C3orf33: variants seen among roughly 807,000 people sequenced by gnomAD.
C3orf33 encodes AP-1 activity suppressor.
C3orf33 carries 23 observed loss-of-function variants against 28.7 expected under a neutral mutation model. The observed-to-expected ratio is 0.80, with a 90% CI of 0.58 to 1.13. The LOEUF (loss-of-function observed/expected upper bound fraction) is 1.13. C3orf33 is among the 50% of genes most tolerant of loss of function. The pLI is 0.00. For synonymous variants in C3orf33, 119 were observed against 120.5 expected (o/e 0.99, Z 0.08); for missense variants, 327 against 353.4 (o/e 0.93, Z 0.60).
intron 3 of C3orf33, among the ~76,000 whole-genome samples, chr3:155,768,699 A>G (rs996132057): frequency 6.6e-6 from 1 of 152,252 alleles, no homozygotes; most frequent in African/African-American, 2.4e-5. Context: ...TCCAGGAAAG[A>G]AATAATACTT....
At chr3:155,783,623 C>T (rs753427376) in intron 2 of C3orf33, among the ~76,000 whole-genome samples, 26 of 151,840 alleles carry the variant, frequency 1.7e-4, no homozygotes, top group Non-Finnish European at 2.2e-4. Flanking sequence ...CACGCTGCCA[C>T]GCCTGGCTAA....
Position 155,775,722 on chromosome 3 carries a change from G to A in C3orf33, c.301C>T (p.Pro101Ser). The change falls in exon 3 of 5, where the codon CCT becomes TCT. Residue 101 changes from proline to serine, a missense_variant. Transcript: ENST00000340171. ...TTACTTCTCAATGAAGCTATAATAG[G>A]TAAAGTAATAGGTATATGTTCAATT... ...LEIEHIPITL[P>S]IIASLRKEPR... 1 of 1,564,830 alleles carries A rather than the reference G, an allele frequency of 6.4e-7. No individual in the cohort carries two copies. The highest frequency in any genetic ancestry group is 1.1e-5 in the South Asian group (1 of 87,132).
intron 2 of C3orf33, among the ~76,000 whole-genome samples, chr3:155,800,844 T>C (rs1198219508): frequency 6.6e-6 from 1 of 151,894 alleles, no homozygotes; most frequent in African/African-American, 2.4e-5. Flanking sequence ...ACATCACTAA[T>C]CATTAGAAAA....
chr3:155,779,143 C>G (rs151267297), intron 2 of C3orf33, among the ~76,000 whole-genome samples: 2 of 152,072 alleles, frequency 1.3e-5, no homozygotes, highest in Admixed American at 6.6e-5. Flanking sequence ...AACAAACACA[C>G]AAAAACAGAA....
chr3:155,785,920 G>A (rs1422742456), intron 2 of C3orf33, among the ~76,000 whole-genome samples: 1 of 151,946 alleles, frequency 6.6e-6, no homozygotes, highest in Non-Finnish European at 1.5e-5. Context: ...CACACCTGTA[G>A]TCCTAGCTGC....
At chr3:155,764,787 C>A (rs183104833) in intron 4 of C3orf33, among the ~76,000 whole-genome samples, 2 of 150,844 alleles carry the variant, frequency 1.3e-5, no homozygotes, top group Admixed American at 1.3e-4. Context: ...ACCCAGGAGG[C>A]AGAGGTTGCA....
intron 2 of C3orf33, among the ~76,000 whole-genome samples, chr3:155,790,193 G>A (rs1273032507): frequency 7.2e-6 from 1 of 139,458 alleles, no homozygotes; most frequent in Non-Finnish European, 1.5e-5. Context: ...AAAAAAATTG[G>A]TGCTGAGAAA....
At chr3:155,804,802 C>G (rs192084274) in intron 1 of C3orf33, among the ~76,000 whole-genome samples, 138 of 152,288 alleles carry the variant, frequency 9.1e-4, no homozygotes, top group Admixed American at 4.4e-3. Context: ...AAGGTTTATG[C>G]AGGTCATTCC....
intron 2 of C3orf33, among the ~76,000 whole-genome samples, chr3:155,800,610 C>CAAGAAAAAA (rs1751616181): frequency 6.4e-5 from 1 of 15,620 alleles, no homozygotes; most frequent in Admixed American, 1.4e-3. Context: ...ACCTTATCTC[C>CAAGAAAAAA]AAAAAAAAAA....
intron 1 of C3orf33, among the ~76,000 whole-genome samples, chr3:155,803,873 C>A (rs572203226): frequency 1.4e-5 from 2 of 141,682 alleles, no homozygotes; most frequent in South Asian, 4.5e-4. Flanking sequence ...CAGAGTGAGA[C>A]TCTGTCTCAA....
intron 2 of C3orf33, among the ~76,000 whole-genome samples, chr3:155,785,599 A>G (rs1309017483): frequency 6.6e-6 from 1 of 152,332 alleles, no homozygotes; most frequent in East Asian, 1.9e-4. Context: ...AACAGCCAAT[A>G]TATCAAAAAA....
At chr3:155,766,858 G>A (rs140736679) in intron 4 of C3orf33, among the ~76,000 whole-genome samples, 6,893 of 152,080 alleles carry the variant, frequency 0.045, 270 homozygotes, top group African/African-American at 0.11. Context: ...GCTGAAGCAG[G>A]AGAATTGCTT....
intron 2 of C3orf33, among the ~76,000 whole-genome samples, chr3:155,783,181 G>T (rs1750989297): frequency 6.7e-6 from 1 of 149,740 alleles, no homozygotes; most frequent in Admixed American, 6.6e-5. Context: ...TTGAGATGGA[G>T]TCTCGTTCTG....
At chr3:155,797,224 T>C (rs1751498524) in intron 2 of C3orf33, among the ~76,000 whole-genome samples, 1 of 152,108 alleles carries the variant, frequency 6.6e-6, no homozygotes, top group South Asian at 2.1e-4. Context: ...AACATTTCAA[T>C]AGATGCTGAA....
intron 3 of C3orf33, among the ~76,000 whole-genome samples, chr3:155,771,452 T>C (rs757999839): frequency 1.5e-4 from 23 of 152,210 alleles, no homozygotes; most frequent in Admixed American, 3.9e-4. Flanking sequence ...CAGCTAATCT[T>C]TGTATTTTTT....
intron 4 of C3orf33, among the ~76,000 whole-genome samples, chr3:155,766,572 T>C (rs754981760): frequency 8.5e-5 from 13 of 152,248 alleles, no homozygotes; most frequent in Non-Finnish European, 1.3e-4. Flanking sequence ...AAGTGGTTTA[T>C]AGTAACAAGC....
intron 2 of C3orf33, among the ~76,000 whole-genome samples, chr3:155,786,585 G>C (rs1751122736): frequency 6.6e-6 from 1 of 152,308 alleles, no homozygotes. Flanking sequence ...CCAGCACTTT[G>C]GGAGGCCAAG....
chr3:155,764,147 C>T (rs1218853678), intron 4 of C3orf33, among the ~76,000 whole-genome samples: 1 of 152,122 alleles, frequency 6.6e-6, no homozygotes, highest in Admixed American at 6.6e-5. Flanking sequence ...ATGGAATTCT[C>T]CACAGACTCA....
intron 2 of C3orf33, among the ~76,000 whole-genome samples, chr3:155,783,445 G>A (rs1011845600): frequency 6.8e-5 from 10 of 146,762 alleles, no homozygotes; most frequent in Non-Finnish European, 1.0e-4. Flanking sequence ...ATGAGCCACC[G>A]CACCCAGCAA....
Sources: allele counts gnomAD v4.1 joint callset (sites outside exome capture counted in the v4.1 genomes callset), GRCh38; gene constraint gnomAD v4.1.1; transcripts MANE v1.5; gene names NCBI Gene and HGNC (gene_info 2026-07-23, HGNC 2026-07-21).